Variants in EIF2D observed in about 807,000 individuals in gnomAD.
EIF2D encodes eukaryotic translation initiation factor 2D, also known as hepatocellular carcinoma-associated antigen 56.
EIF2D carries 56 observed loss-of-function variants against 77.4 expected under a neutral mutation model. The ratio of observed to expected loss-of-function variants is 0.72; its 90% confidence interval spans 0.58 to 0.90. The LOEUF (loss-of-function observed/expected upper bound fraction) is 0.90. Among genes scored for constraint, EIF2D ranks in the 40% least tolerant of loss-of-function variants. The pLI is 0.00. For missense variants in EIF2D, 574 were observed against 706.5 expected, an observed-to-expected ratio of 0.81 and a Z score of 2.13; for synonymous variants, 230 against 271.0, an observed-to-expected ratio of 0.85 and a Z score of 1.49.
At chr1:206,590,005 G>A (rs1290006421), downstream of EIF2D, among the ~76,000 whole-genome samples, 1 of 152,170 alleles carries the variant, frequency 6.6e-6, no homozygotes, top group African/African-American at 2.4e-5. Context: ...AGCACTTTCT[G>A]CTTTTCATTG....
chr1:206,571,133 G>C (rs1553404130), downstream of EIF2D, among the ~76,000 whole-genome samples: 3 of 152,098 alleles, frequency 2.0e-5, no homozygotes, highest in African/African-American at 7.2e-5. Context: ...TAAGCATCCT[G>C]ATATGCATGA....
chr1:206,575,687 A>T (rs992195660), intron 4 of EIF2D, among the ~76,000 whole-genome samples: 3 of 152,310 alleles, frequency 2.0e-5, no homozygotes, highest in Admixed American at 6.5e-5. Flanking sequence ...TTATGTGTAA[A>T]ATCTTAGTCC....
intron 5 of EIF2D, chr1:206,605,156 T>C (rs530489997): frequency 2.6e-6 from 1 of 379,902 alleles, no homozygotes; most frequent in Non-Finnish European, 4.8e-6. Flanking sequence ...GAGCAGATGA[T>C]CCCTAAGGTC....
intron 3 of EIF2D, among the ~76,000 whole-genome samples, 198 bp downstream of exon 3, chr1:206,609,178 T>C (rs1257287668): frequency 6.6e-6 from 1 of 152,246 alleles, no homozygotes; most frequent in African/African-American, 2.4e-5. Context: ...TCACAACACT[T>C]ATTTAAGCCT....
Position 206,591,835 on chromosome 1 carries a change from C to G in EIF2D, c.1695G>C (p.Gln565His), listed in dbSNP as rs781908586. The change falls in exon 15 of 15, where the codon CAG becomes CAC. Residue 565 changes from glutamine to histidine, a missense_variant. Physicochemically the swap from Gln to His is conservative, Grantham distance 24. Coordinates refer to ENST00000271764, the MANE Select transcript of EIF2D (RefSeq NM_006893.3). ...GACCTTGGATGTGTTTTCGAGGGAGCTGATACTCTTCTACAATCCAAAAAG... is the reference window on the plus strand; with the variant it reads ...GACCTTGGATGTGTTTTCGAGGGAGGTGATACTCTTCTACAATCCAAAAAG... ...HLGWLLLEEY[Q>H]LPRKHIQGLE... 3.1e-6 allele frequency: 5 copies of G among 1,614,118 alleles called. 1 individual carries two copies. The African/African-American group carries it at 5.3e-5, about 17-fold the overall frequency.
downstream of EIF2D, chr1:206,589,130 T>C (rs1669257223): frequency 6.5e-6 from 1 of 152,788 alleles, no homozygotes; most frequent in South Asian, 2.1e-4. Flanking sequence ...ACCCGTTCCC[T>C]CCCAGAGGTG....
intron 13 of EIF2D, 178 bp downstream of exon 13, chr1:206,595,540 G>A (rs782650709): frequency 3.3e-5 from 19 of 577,256 alleles, no homozygotes; most frequent in African/African-American, 1.3e-4. Flanking sequence ...GAGTGAGCGG[G>A]GTCAGCTTTA....
chr1:206,590,816 G>A (rs1317226578), downstream of EIF2D, among the ~76,000 whole-genome samples: 1 of 152,156 alleles, frequency 6.6e-6, no homozygotes. Context: ...AAACTGAAGT[G>A]CAACTGTCTC....
At chr1:206,588,395 T>C (rs1669216286), downstream of EIF2D, 1 of 152,346 alleles carries the variant, frequency 6.6e-6, no homozygotes, top group South Asian at 2.1e-4. Flanking sequence ...GGCTGAATCC[T>C]AAAATAAATT....
In EIF2D at chr1:206,602,365, A is replaced by G. The variant is rs782758196; in HGVS notation, c.873T>C (p.Thr291=). The change falls in exon 7 of 15, where the codon ACT becomes ACC. Residue 291 remains threonine (T), a synonymous_variant. Coordinates refer to ENST00000271764, the MANE Select transcript of EIF2D (RefSeq NM_006893.3). ...AGGAGAACATGTGGCTGCCAAGGAA[A>G]GTGCTGGTGAGTAAAGGGAGGTCAG... ...KKADLPLLTS[T]FLGSHMFSCC... is the part of the protein sequence containing the mutation. 2.5e-6 allele frequency: 4 copies of G among 1,614,234 alleles called. No individual in the cohort carries two copies. In the South Asian group the frequency reaches 4.4e-5, roughly 18 times the overall value.
At chr1:206,590,128 C>G (rs1293643843), downstream of EIF2D, among the ~76,000 whole-genome samples, 2 of 152,204 alleles carry the variant, frequency 1.3e-5, no homozygotes, top group Non-Finnish European at 2.9e-5. Flanking sequence ...CAGTCTGGCT[C>G]TACTCTGCCT....
downstream of EIF2D, among the ~76,000 whole-genome samples, chr1:206,590,921 G>A (rs565524073): frequency 9.8e-5 from 15 of 152,312 alleles, no homozygotes; most frequent in South Asian, 2.3e-3. Context: ...TCCATAAACT[G>A]AGCAGGGACC....
At chr1:206,597,266 T>A in intron 11 of EIF2D, 71 bp from the exon 12 acceptor site, 1 of 1,152,828 alleles carries the variant, frequency 8.7e-7, no homozygotes, top group Non-Finnish European at 1.3e-6. Context: ...AATTCAGGAT[T>A]CATCTCTCGT....
chr1:206,609,298 T>C (rs1670356064), intron 3 of EIF2D, 78 bp downstream of exon 3: 1 of 1,371,152 alleles, frequency 7.3e-7, no homozygotes, highest in Non-Finnish European at 1.0e-6. Flanking sequence ...ACACAGGAAA[T>C]GGGTAAGTTT....
rs555979007 is a variant in EIF2D, at chr1:206,597,171, T to C, written c.1317A>G (p.Leu439=). 9.9e-6 allele frequency: 16 copies of C among 1,613,970 alleles called. No individual in the cohort carries two copies. The highest frequency in any genetic ancestry group is 3.3e-4 in the Middle Eastern group (2 of 6,060). ...CATTTTTCTCTAAGATGCAGTCACATAGGATGGGATCCAATCTCACAAGAC... is the reference window on the plus strand; with the variant it reads ...CATTTTTCTCTAAGATGCAGTCACACAGGATGGGATCCAATCTCACAAGAC... ...NKNLVRLDPI[L]CDCILEKNEQ... is the part of the protein sequence containing the mutation. Residue 439 remains leucine, a synonymous_variant, in exon 12 of 15, where the codon CTA becomes CTG. Transcript: ENST00000271764.
At chr1:206,609,248 A>T in intron 3 of EIF2D, 128 bp downstream of exon 3, 2 of 865,678 alleles carry the variant, frequency 2.3e-6, no homozygotes, top group Non-Finnish European at 1.8e-6. Context: ...GAGAAACATA[A>T]AACACATAGG....
Position 206,592,272 on chromosome 1 carries a change from C to T in EIF2D, c.1685-427G>A, listed in dbSNP as rs1553409088. On this transcript the variant is annotated intron_variant, in intron 14 of 14. Coordinates refer to ENST00000271764, the MANE Select transcript of EIF2D (RefSeq NM_006893.3). This position sits in a 1 kb window ranked among gnomAD's most constrained non-coding sequence, Gnocchi z 4.7. ...AGGATGAAAAAGGCAAGGTTTCTGG[C>T]TCATGCAGCTCAGTCTGGCAGGAGG... Among the ~76,000 whole-genome samples, 1 of 152,222 alleles carries T rather than the reference C, an allele frequency of 6.6e-6. No homozygotes were observed. The highest frequency in any genetic ancestry group is 1.9e-4 in the East Asian group (1 of 5,196).
In EIF2D at chr1:206,584,765, T is replaced by G; in HGVS notation, c.139-3603A>C. On this transcript the variant is annotated intron_variant and NMD_transcript_variant, in intron 2 of 5. Coordinates refer to the EIF2D transcript ENST00000472709. The surrounding 1 kb of genome is among the most constrained non-coding windows in gnomAD (Gnocchi z 4.9). ...CACCCACTAAAACTCCTGCCGGCCT[T>G]GGGTGGGAGCTGTGGGCTTCTCCTG... The G allele has an allele frequency of 1.4e-6, 2 of 1,478,910 alleles. No homozygotes were observed. The highest frequency in any genetic ancestry group is 1.9e-6 in the Non-Finnish European group (2 of 1,077,860). 91.6% of individuals were successfully genotyped at this position (1,478,910 alleles called of 1,614,324 possible).
intron 5 of EIF2D, chr1:206,603,632 C>T (rs1670042577): frequency 6.0e-6 from 1 of 167,108 alleles, no homozygotes; most frequent in South Asian, 1.5e-4. Flanking sequence ...AAACCCACGG[C>T]TCAGCATATG....
Sources: allele counts gnomAD v4.1 joint callset (sites outside exome capture counted in the v4.1 genomes callset), GRCh38; gene constraint gnomAD v4.1.1; non-coding constraint Gnocchi (gnomAD v3.1); transcripts MANE v1.5; gene names NCBI Gene and HGNC (gene_info 2026-07-23, HGNC 2026-07-21).